Variants in GALNT13 observed in about 807,000 individuals in gnomAD.
GALNT13 encodes UDP-GalNAc:polypeptide N-acetylgalactosaminyltransferase 13.
In GALNT13, 28 loss-of-function variants were observed where a neutral mutation model predicts 64.2. That is an observed-to-expected ratio of 0.44 (90% CI 0.32 to 0.60). GALNT13 has a LOEUF of 0.60. Ranked by LOEUF, GALNT13 falls within the 20% of genes least tolerant of loss-of-function variation. The pLI, the probability that GALNT13 is intolerant of heterozygous loss-of-function variation, is 0.05. For missense variants in GALNT13, 577 were observed against 669.8 expected (o/e 0.86, Z 1.53); for synonymous variants, 214 against 224.6 (o/e 0.95, Z 0.42).
intron 1 of GALNT13, among the ~76,000 whole-genome samples, chr2:153,881,479 A>G (rs1686783432): frequency 1.3e-5 from 2 of 152,154 alleles, no homozygotes. Context: ...TAAAGTTGAG[A>G]TGAATTGTAG....
rs1701117094 is a variant in GALNT13 at position 154,438,584 on chromosome 2, A to G, written c.1396-8A>G. 1.2e-6 allele frequency: 2 copies of G among 1,600,866 alleles called. No individual in the cohort carries two copies. On this transcript the variant is annotated splice_polypyrimidine_tract_variant and splice_region_variant and intron_variant, in intron 11 of 12. Transcript: ENST00000392825. The stretch of plus-strand genomic sequence containing the variant: ...CATTTTTTTTATTAGCTGAATTTAT[A>G]TTTTCAGGTATTTTCTTACACTGCT...
intron 3 of GALNT13, among the ~76,000 whole-genome samples, chr2:153,966,596 A>C (rs1401181797): frequency 1.3e-5 from 2 of 151,684 alleles, no homozygotes; most frequent in African/African-American, 4.8e-5. Context: ...TCTCGATCTC[A>C]TGACCTCGTG....
chr2:154,274,150 G>T (rs771529240), intron 8 of GALNT13, among the ~76,000 whole-genome samples: 5 of 151,948 alleles, frequency 3.3e-5, no homozygotes, highest in Non-Finnish European at 5.9e-5. Context: ...TGGCATATAC[G>T]CAAGGTGTGG....
chr2:153,635,393 A>AATATGTATATATATATATATACACATAT, the GALNT13 span, among the ~76,000 whole-genome samples: 3 of 50,818 alleles, frequency 5.9e-5, no homozygotes, highest in East Asian at 1.1e-3. Flanking sequence ...TAGTACAGTA[A>AATATGTATATATATATATATACACATAT]ATATGTATAT....
chr2:153,106,053 A>G, the GALNT13 span, among the ~76,000 whole-genome samples: 426 of 152,274 alleles, frequency 2.8e-3, 2 homozygotes, highest in African/African-American at 9.8e-3. Context: ...TGTTGTGCAC[A>G]CCCGAGTGAT....
intron 4 of GALNT13, among the ~76,000 whole-genome samples, chr2:154,206,516 C>T (rs1295639980): frequency 1.3e-5 from 2 of 151,042 alleles, no homozygotes; most frequent in African/African-American, 2.4e-5. Context: ...GAACGGGGGT[C>T]GGGCGCGGTG....
chr2:153,267,885 C>A, the GALNT13 span, among the ~76,000 whole-genome samples: 4 of 152,162 alleles, frequency 2.6e-5, no homozygotes, highest in African/African-American at 9.7e-5. Context: ...GTTCCAACTT[C>A]AGATAACCTC....
chr2:153,789,308 C>T, the GALNT13 span, among the ~76,000 whole-genome samples: 1 of 151,602 alleles, frequency 6.6e-6, no homozygotes, highest in African/African-American at 2.4e-5. Context: ...CAAAACTATA[C>T]AATGACAGGA....
chr2:154,384,468 A>G (rs1221483176), intron 9 of GALNT13, among the ~76,000 whole-genome samples: 1 of 151,928 alleles, frequency 6.6e-6, no homozygotes, highest in Non-Finnish European at 1.5e-5. Context: ...CAATTGAAAG[A>G]TCACCATTAT....
the GALNT13 span, among the ~76,000 whole-genome samples, chr2:153,082,618 TACAC>T: frequency 0.033 from 988 of 30,010 alleles, 47 homozygotes; most frequent in East Asian, 0.13. Context: ...TATATATATA[TACAC>T]ACACACACAC....
At chr2:154,401,576 T>A (rs2105374368) in intron 10 of GALNT13, among the ~76,000 whole-genome samples, 1 of 152,292 alleles carries the variant, frequency 6.6e-6, no homozygotes, top group Non-Finnish European at 1.5e-5. Flanking sequence ...CAAAGTGAGC[T>A]ATTTTTATTA....
chr2:153,209,181 C>T, the GALNT13 span, among the ~76,000 whole-genome samples: 1 of 151,704 alleles, frequency 6.6e-6, no homozygotes, highest in African/African-American at 2.4e-5. Context: ...GTGGTTTCAC[C>T]ATGTTAGCCA....
intron 3 of GALNT13, among the ~76,000 whole-genome samples, chr2:154,108,662 C>A (rs1403702883): frequency 6.6e-6 from 1 of 150,800 alleles, no homozygotes; most frequent in Admixed American, 6.6e-5. Context: ...AATTGGCCAG[C>A]TCTTTCTTAT....
chr2:154,079,642 C>A (rs1160904572), intron 3 of GALNT13, among the ~76,000 whole-genome samples: 1 of 151,442 alleles, frequency 6.6e-6, no homozygotes, highest in Non-Finnish European at 1.5e-5. Context: ...TGATGAGTCA[C>A]CCACATGCAT....
At chr2:154,189,664 T>C (rs1177549731) in intron 4 of GALNT13, among the ~76,000 whole-genome samples, 2 of 151,678 alleles carry the variant, frequency 1.3e-5, no homozygotes, top group African/African-American at 4.8e-5. Flanking sequence ...AGATGCAAAT[T>C]AGAGGTTTAC....
At chr2:153,205,137 C>T in the GALNT13 span, among the ~76,000 whole-genome samples, 3 of 150,690 alleles carry the variant, frequency 2.0e-5, no homozygotes, top group African/African-American at 7.3e-5. Context: ...AACAAACTTA[C>T]TGCAAGTCTA....
the GALNT13 span, among the ~76,000 whole-genome samples, chr2:153,713,076 C>T: frequency 1.3e-5 from 2 of 152,100 alleles, no homozygotes; most frequent in African/African-American, 4.8e-5. Context: ...TTCAGGCATT[C>T]TGTTAATGGC....
At chr2:153,653,427 A>G in the GALNT13 span, among the ~76,000 whole-genome samples, 2 of 152,190 alleles carry the variant, frequency 1.3e-5, no homozygotes, top group African/African-American at 2.4e-5. Flanking sequence ...GTGAGAAATT[A>G]TTGTAAAATT....
the GALNT13 span, among the ~76,000 whole-genome samples, chr2:153,193,895 C>G: frequency 5.9e-5 from 9 of 152,186 alleles, no homozygotes; most frequent in African/African-American, 2.2e-4. Flanking sequence ...TTTTTTGTTT[C>G]CTTTCAGCTC....
Sources: gnomAD v4.1 joint callset for allele counts (sites outside exome capture counted in the v4.1 genomes callset) on GRCh38, gnomAD v4.1.1 for gene constraint, MANE v1.5 for transcripts, NCBI Gene and HGNC (gene_info 2026-07-23, HGNC 2026-07-21) for gene names.